Variants in PUS10 observed in about 807,000 individuals in gnomAD.
PUS10 encodes pseudouridine synthase 10.
A neutral mutation model predicts 75.0 loss-of-function variants in PUS10; 59 were observed. That is an observed-to-expected ratio of 0.79 (90% CI 0.64 to 0.98). The LOEUF is 0.98. Among genes scored for constraint, PUS10 ranks in the 50% least tolerant of loss-of-function variants. The pLI is 0.00. For missense variants in PUS10, 650 were observed against 614.4 expected (o/e 1.06, Z -0.61); for synonymous variants, 219 against 211.6 (o/e 1.03, Z -0.30).
intron 4 of PUS10, among the ~76,000 whole-genome samples, chr2:61,001,207 T>C (rs1360752363): frequency 1.3e-5 from 2 of 152,186 alleles, no homozygotes; most frequent in African/African-American, 2.4e-5. Flanking sequence ...AAATCTTCCT[T>C]AGCAATTCTT....
chr2:60,985,020 T>C (rs1677630153), intron 4 of PUS10, among the ~76,000 whole-genome samples: 1 of 152,178 alleles, frequency 6.6e-6, no homozygotes, highest in Non-Finnish European at 1.5e-5. Flanking sequence ...GCATGTGCTG[T>C]TTTTATAATT....
rs749727995 is a variant in PUS10 at position 60,967,539 on chromosome 2, AG to A, written c.577del (p.Leu193CysfsTer18). ...KEAYKWITHP[L>X]FSEELGVPID... ...GGGAACACCCAGTTCCTCTGAAAAC[AG>A]GGGGTGAGTTATCCATTTGTAGGCT... On this transcript the variant is annotated frameshift_variant, in exon 6 of 18. Transcript: ENST00000316752. LOFTEE classifies it high-confidence loss of function. The A allele has an allele frequency of 6.2e-7, 1 of 1,608,734 alleles. No individual in the cohort carries two copies. Among genetic ancestry groups the A allele is most frequent in the Non-Finnish European group, 8.5e-7 (1 of 1,177,090 alleles).
At chr2:60,971,481 G>A (rs752777258) in intron 5 of PUS10, 42 bp downstream of exon 5, 2 of 1,552,682 alleles carry the variant, frequency 1.3e-6, no homozygotes, top group Admixed American at 1.7e-5. Flanking sequence ...CAGGTAGCTT[G>A]TATTTGAATG....
At chr2:60,973,438 A>G (rs907735441) in intron 4 of PUS10, among the ~76,000 whole-genome samples, 9 of 152,104 alleles carry the variant, frequency 5.9e-5, no homozygotes, top group African/African-American at 2.2e-4. Flanking sequence ...GCCTGCACCA[A>G]TCTCGGAGAA....
chr2:60,962,958 A>C, intron 8 of PUS10, 68 bp from the exon 9 acceptor site: 1 of 1,482,422 alleles, frequency 6.7e-7, no homozygotes, highest in Non-Finnish European at 8.9e-7. Flanking sequence ...GACGTGAAAC[A>C]CAGAACATGG....
rs1219506061 is a variant in PUS10, at chr2:60,952,972, A to G, written c.1308+25T>C. ...TGATAGGCAACAGAAAAATGAAATA[A>G]AAAGAATAAGCACACTTAAACTACC... On this transcript the variant is annotated intron_variant, in intron 15 of 17. Coordinates refer to ENST00000316752, the MANE Select transcript of PUS10 (RefSeq NM_144709.4). 2.5e-6 allele frequency: 3 copies of G among 1,206,812 alleles called. No individual in the cohort carries two copies. In the Admixed American group the frequency reaches 5.6e-5, roughly 23 times the overall value. The allele number at this position is 1,206,812 out of a possible 1,614,324, so 74.8% of individuals were successfully genotyped here. A position where few individuals can be genotyped will look rare whatever the true frequency, so the allele number is the denominator to read the frequency against.
intron 4 of PUS10, among the ~76,000 whole-genome samples, chr2:60,988,780 T>TA (rs1251361750): frequency 6.6e-6 from 1 of 151,008 alleles, no homozygotes; most frequent in Non-Finnish European, 1.5e-5. Flanking sequence ...GGATTACAAG[T>TA]GCGCGCCACC....
At chr2:60,982,593 T>C (rs907646376) in intron 4 of PUS10, among the ~76,000 whole-genome samples, 1 of 152,040 alleles carries the variant, frequency 6.6e-6, no homozygotes, top group Non-Finnish European at 1.5e-5. Context: ...ATAGAAGAAA[T>C]TGAAAAAGTA....
intron 4 of PUS10, among the ~76,000 whole-genome samples, chr2:61,004,542 CG>C (rs1453695656): frequency 6.9e-6 from 1 of 144,616 alleles, no homozygotes; most frequent in Admixed American, 7.2e-5. Context: ...GGCAGGAGAA[CG>C]GCATGAACCT....
chr2:60,975,339 G>T (rs1676968025), intron 4 of PUS10, among the ~76,000 whole-genome samples: 1 of 152,040 alleles, frequency 6.6e-6, no homozygotes, highest in African/African-American at 2.4e-5. Flanking sequence ...TAGAGACAGG[G>T]TTTCACCTTG....
At chr2:60,992,037 G>A (rs1190118259) in intron 4 of PUS10, among the ~76,000 whole-genome samples, 1 of 150,242 alleles carries the variant, frequency 6.7e-6, no homozygotes, top group Non-Finnish European at 1.5e-5. Context: ...TTTGAGACAG[G>A]GTTTCGCTCT....
chr2:60,950,357 C>T (rs1675259808), intron 15 of PUS10, among the ~76,000 whole-genome samples: 1 of 152,074 alleles, frequency 6.6e-6, no homozygotes, highest in Admixed American at 6.5e-5. Context: ...TTTTTCCCAG[C>T]ATTTTTAGGC....
intron 16 of PUS10, among the ~76,000 whole-genome samples, chr2:60,947,091 T>C (rs1282880507): frequency 1.3e-5 from 2 of 152,220 alleles, no homozygotes; most frequent in Admixed American, 1.3e-4. Context: ...ACGAACAAAT[T>C]ATCAGCCTTG....
chr2:60,971,439 A>G, intron 5 of PUS10, 84 bp downstream of exon 5: 3 of 1,196,554 alleles, frequency 2.5e-6, no homozygotes, highest in Non-Finnish European at 3.7e-6. Context: ...CTATAAAAAT[A>G]GAGATTGTAG....
chr2:61,007,113 TTTC>T (rs1443274852), intron 3 of PUS10, among the ~76,000 whole-genome samples: 1 of 152,162 alleles, frequency 6.6e-6, no homozygotes, highest in African/African-American at 2.4e-5. Flanking sequence ...CTGCTATATT[TTTC>T]TTCAATTAAA....
intron 4 of PUS10, among the ~76,000 whole-genome samples, chr2:61,001,397 C>T (rs1292093482): frequency 6.6e-6 from 1 of 152,084 alleles, no homozygotes; most frequent in African/African-American, 2.4e-5. Flanking sequence ...CTGCCTCAGC[C>T]TCCCAAATAG....
intron 4 of PUS10, among the ~76,000 whole-genome samples, chr2:61,005,469 G>A (rs921390325): frequency 6.6e-6 from 1 of 151,940 alleles, no homozygotes; most frequent in East Asian, 1.9e-4. Context: ...GAGAGGAAGG[G>A]TTTGGTTTTA....
At position 60,967,546 on chromosome 2, in the gene PUS10, G is replaced by A. The variant is rs1461770937; in HGVS notation, c.571C>T (p.His191Tyr). The A allele has an allele frequency of 1.9e-6, 3 of 1,609,740 alleles. No individual in the cohort carries two copies. The highest frequency in any genetic ancestry group is 2.5e-6 in the Non-Finnish European group (3 of 1,177,818). The change falls in exon 6 of 18, where the codon CAC (histidine) becomes TAC (tyrosine). Residue 191 changes from histidine (H) to tyrosine (Y), a missense_variant. His to Tyr is a moderately conservative substitution (Grantham distance 83). Coordinates refer to ENST00000316752, the MANE Select transcript of PUS10 (RefSeq NM_144709.4). The stretch of plus-strand genomic sequence containing the variant: ...CCCAGTTCCTCTGAAAACAGGGGGT[G>A]AGTTATCCATTTGTAGGCTTCTTTT... ...QLKEAYKWIT[H>Y]PLFSEELGVP...
chr2:60,990,802 G>A (rs1678027067), intron 4 of PUS10, among the ~76,000 whole-genome samples: 1 of 152,120 alleles, frequency 6.6e-6, no homozygotes, highest in South Asian at 2.1e-4. Flanking sequence ...CTGGAGTGCA[G>A]TGGCATAATC....
Sources: allele counts gnomAD v4.1 joint callset (sites outside exome capture counted in the v4.1 genomes callset), GRCh38; gene constraint gnomAD v4.1.1; transcripts MANE v1.5; gene names NCBI Gene and HGNC (gene_info 2026-07-23, HGNC 2026-07-21).